The following ATP8B1 variants were observed in gnomAD, a reference collection of about 807,000 sequenced individuals.
ATP8B1 encodes ATPase phospholipid transporting 8B1, also known as phospholipid-transporting ATPase IC.
In ATP8B1, 80 loss-of-function variants were observed where a neutral mutation model predicts 149.9. The observed-to-expected ratio is 0.53, with a 90% CI of 0.45 to 0.64. The LOEUF (loss-of-function observed/expected upper bound fraction) is 0.64, where lower values mean the gene tolerates loss of function less well. ATP8B1 is among the 30% of genes least tolerant of loss of function. The pLI is 0.00. For missense variants in ATP8B1, 1,247 were observed against 1,552.6 expected, an observed-to-expected ratio of 0.80 and a Z score of 3.31; for synonymous variants, 536 against 562.8, an observed-to-expected ratio of 0.95 and a Z score of 0.67.
chr18:57,651,440 C>CTT (rs1239024381), intron 26 of ATP8B1, among the ~76,000 whole-genome samples: 1 of 151,960 alleles, frequency 6.6e-6, no homozygotes, highest in Non-Finnish European at 1.5e-5. Context: ...AAAGAATAGG[C>CTT]TTTTATCCAG....
At chr18:57,684,630 C>T (rs1342592049) in intron 14 of ATP8B1, among the ~76,000 whole-genome samples, 1 of 152,170 alleles carries the variant, frequency 6.6e-6, no homozygotes, top group Non-Finnish European at 1.5e-5. Context: ...GGATTACAGG[C>T]ATGAGCCACC....
chr18:57,758,896 G>A (rs9962673), intron 1 of ATP8B1, among the ~76,000 whole-genome samples: 7 of 151,202 alleles, frequency 4.6e-5, no homozygotes, highest in Non-Finnish European at 7.4e-5. Context: ...GGTAGCTCAC[G>A]CCTGTAATCC....
intron 1 of ATP8B1, among the ~76,000 whole-genome samples, chr18:57,777,626 C>A (rs558913328): frequency 6.6e-6 from 1 of 151,954 alleles, no homozygotes; most frequent in Non-Finnish European, 1.5e-5. Flanking sequence ...TGGAGTGCAC[C>A]GGTGGGATCT....
At chr18:57,653,682 C>CTTTTTTTT (rs71171057) in intron 24 of ATP8B1, among the ~76,000 whole-genome samples, 63 of 117,816 alleles carry the variant, frequency 5.3e-4, no homozygotes, top group Non-Finnish European at 6.4e-4. Flanking sequence ...CCTCTTTTCT[C>CTTTTTTTT]TTTTTTTTTT....
In ATP8B1 at chr18:57,697,699, C is replaced by T; in HGVS notation, c.628-11G>A. 2.5e-6 allele frequency: 4 copies of T among 1,613,908 alleles called. No homozygotes were observed. Among genetic ancestry groups the T allele is most frequent in the Non-Finnish European group, 1.7e-6 (2 of 1,179,966 alleles). On this transcript the variant is annotated splice_polypyrimidine_tract_variant and intron_variant, in intron 7 of 27. Transcript: ENST00000648908. ...CAGGAGAATGTCAGCCTGTCCAAAA[C>T]AAAACACACAAATAACACCGAGACC...
At chr18:57,655,459 T>C (rs764709136) in intron 22 of ATP8B1, 42 bp from the exon 23 acceptor site, 3 of 1,557,496 alleles carry the variant, frequency 1.9e-6, no homozygotes, top group East Asian at 2.2e-5. Context: ...CATAAACCGA[T>C]TGTGAGGCAA....
chr18:57,695,071 A>G, intron 10 of ATP8B1, 100 bp downstream of exon 10: 1 of 919,100 alleles, frequency 1.1e-6, no homozygotes, highest in Admixed American at 2.1e-5. Flanking sequence ...TGATGCTATT[A>G]CTCTTCTTTT....
intron 1 of ATP8B1, among the ~76,000 whole-genome samples, chr18:57,759,946 C>G (rs1227458446): frequency 6.6e-6 from 1 of 152,152 alleles, no homozygotes; most frequent in East Asian, 1.9e-4. Context: ...GCAATTGCTA[C>G]CACCCTCCTA....
rs1420449857 is a variant in ATP8B1, at chr18:57,758,303, C to T, written c.-25-26471G>A. On this transcript the variant is annotated intron_variant, in intron 1 of 27. Coordinates refer to ENST00000648908, the MANE Select transcript of ATP8B1 (RefSeq NM_001374385.1). ...TTCCCACCCACCCTTTGTTGGTAAT[C>T]GACTTTACTGTTTTCTGTTTATCCG... Among the ~76,000 whole-genome samples, 8 of 146,796 alleles carry T rather than the reference C, an allele frequency of 5.4e-5. No individual in the cohort carries two copies. In the South Asian group the frequency reaches 6.8e-4, roughly 12 times the overall value.
chr18:57,665,613 C>T (rs1288464938), intron 20 of ATP8B1, among the ~76,000 whole-genome samples: 2 of 151,826 alleles, frequency 1.3e-5, no homozygotes, highest in South Asian at 4.2e-4. Context: ...AGTGTAGTGG[C>T]ACTATCTTGG....
At chr18:57,688,834 GA>G (rs1912388384) in intron 12 of ATP8B1, among the ~76,000 whole-genome samples, 1 of 152,186 alleles carries the variant, frequency 6.6e-6, no homozygotes, top group African/African-American at 2.4e-5. Context: ...CTATAAAGCA[GA>G]AAGTGAGCCT....
intron 1 of ATP8B1, among the ~76,000 whole-genome samples, chr18:57,771,889 C>T (rs1357084436): frequency 6.6e-6 from 1 of 152,202 alleles, no homozygotes; most frequent in Non-Finnish European, 1.5e-5. Flanking sequence ...CCAGTTAGCT[C>T]TGCCTTTAGC....
intron 1 of ATP8B1, among the ~76,000 whole-genome samples, chr18:57,779,555 T>C (rs1222693145): frequency 5.9e-5 from 9 of 152,204 alleles, no homozygotes; most frequent in Non-Finnish European, 1.3e-4. Flanking sequence ...CCGAACATGG[T>C]ATTTCTACCT....
chr18:57,679,179 G>A (rs1366373744), intron 15 of ATP8B1, among the ~76,000 whole-genome samples: 2 of 151,472 alleles, frequency 1.3e-5, no homozygotes, highest in Admixed American at 6.6e-5. Flanking sequence ...GCAGTGAGCC[G>A]AGATCGCGCC....
chr18:57,648,491 G>A lies in ATP8B1; in HGVS notation c.3753C>T (p.Ser1251=). The change falls in exon 28 of 28, where the codon AGC becomes AGT. Residue 1251 remains serine (S), a synonymous_variant. Coordinates refer to ENST00000648908, the MANE Select transcript of ATP8B1 (RefSeq NM_001374385.1). ...GTAEYRRTGD[S] ...ATCCCAGCCTGGGGGTAAGGGATCA[G>A]CTGTCCCCGGTGCGCCTGTACTCCG... 6.2e-7 allele frequency: 1 copy of A among 1,611,218 alleles called. No individual in the cohort carries two copies.
chr18:57,684,440 G>C (rs1167582239), intron 14 of ATP8B1, among the ~76,000 whole-genome samples: 2 of 151,620 alleles, frequency 1.3e-5, no homozygotes, highest in South Asian at 2.1e-4. Context: ...GCAGTGGCTT[G>C]ATCTCAGTTC....
At chr18:57,663,063 C>T (rs1910584102) in intron 20 of ATP8B1, among the ~76,000 whole-genome samples, 1 of 152,150 alleles carries the variant, frequency 6.6e-6, no homozygotes, top group African/African-American at 2.4e-5. Flanking sequence ...AACGGAAACT[C>T]TATACCTATT....
At position 57,756,305 on chromosome 18, in the gene ATP8B1, A is replaced by ATATATATATATATATATATATATATG. The variant is rs374550138; in HGVS notation, c.-25-24474_-25-24473insCATATATATATATATATATATATATA. On this transcript the variant is annotated intron_variant, in intron 1 of 27. Coordinates refer to ENST00000648908, the MANE Select transcript of ATP8B1 (RefSeq NM_001374385.1). ...CATATATATGTGTGTGTGTATGTAT[A>ATATATATATATATATATATATATATG]TATATATATATTTGAGACTGAGTTT... Among the ~76,000 whole-genome samples, 38 of 106,118 alleles carry ATATATATATATATATATATATATATG rather than the reference A, an allele frequency of 3.6e-4. 1 individual carries two copies. Among genetic ancestry groups the ATATATATATATATATATATATATATG allele is most frequent in the African/African-American group, 1.3e-3 (30 of 23,850 alleles). 69.6% of individuals were successfully genotyped at this position (106,118 alleles called of 152,430 possible).
At chr18:57,699,660 G>A (rs1273641806) in intron 6 of ATP8B1, among the ~76,000 whole-genome samples, 1 of 152,146 alleles carries the variant, frequency 6.6e-6, no homozygotes, top group East Asian at 1.9e-4. Flanking sequence ...GGCGGAGCTT[G>A]CAGTGAGCGG....
Sources: gnomAD v4.1 joint callset for allele counts (sites outside exome capture counted in the v4.1 genomes callset) on GRCh38, gnomAD v4.1.1 for gene constraint, MANE v1.5 for transcripts, NCBI Gene and HGNC (gene_info 2026-07-23, HGNC 2026-07-21) for gene names.